Variants in AUH observed in about 807,000 individuals in gnomAD.
AUH encodes AU RNA binding methylglutaconyl-CoA hydratase.
AUH carries 29 observed loss-of-function variants against 42.3 expected under a neutral mutation model. The ratio of observed to expected loss-of-function variants is 0.69; its 90% CI spans 0.51 to 0.93. AUH has a LOEUF of 0.93. Among genes scored for constraint, AUH ranks in the 40% least tolerant of loss-of-function variants. AUH has a pLI of 0.00. For synonymous variants in AUH, 174 were observed against 166.4 expected, an observed-to-expected ratio of 1.05 and a Z score of -0.35; for missense variants, 452 against 438.1, an observed-to-expected ratio of 1.03 and a Z score of -0.28.
At chr9:91,348,931 T>C (rs565267451) in intron 3 of AUH, among the ~76,000 whole-genome samples, 1 of 152,252 alleles carries the variant, frequency 6.6e-6, no homozygotes, top group African/African-American at 2.4e-5. Context: ...CAACAAACAA[T>C]ATATGACAAC....
At chr9:91,229,085 C>G (rs1170451413) in intron 6 of AUH, among the ~76,000 whole-genome samples, 3 of 150,342 alleles carry the variant, frequency 2.0e-5, no homozygotes, top group South Asian at 4.3e-4. Flanking sequence ...TGGTGCAGAG[C>G]TGAGTTCAAT....
intron 4 of AUH, among the ~76,000 whole-genome samples, chr9:91,315,783 A>T (rs1232535189): frequency 6.6e-6 from 1 of 152,088 alleles, no homozygotes; most frequent in Non-Finnish European, 1.5e-5. Context: ...CAGAACTAAC[A>T]CCTGTCTGCC....
At chr9:91,288,017 C>T (rs1826552361) in intron 6 of AUH, among the ~76,000 whole-genome samples, 1 of 151,886 alleles carries the variant, frequency 6.6e-6, no homozygotes, top group South Asian at 2.1e-4. Context: ...TACTGCTATT[C>T]AAACTTCCTA....
In AUH at chr9:91,356,125, T is replaced by C. The variant is rs747206423; in HGVS notation, c.293A>G (p.Tyr98Cys). The change falls in exon 2 of 10, where the codon TAT becomes TGT. Residue 98 changes from tyrosine to cysteine, a missense_variant. Tyr to Cys is a radical substitution (Grantham distance 194, BLOSUM62 -2). Transcript: ENST00000375731. ...ATTTTTACTGAGTGAATTTTTGCCA[T>C]AAGCTCTGTTTATTCCAAGCACCAC... ...GIVVLGINRA[Y>C]GKNSLSKNLI... 5.6e-6 allele frequency: 9 copies of C among 1,613,770 alleles called. No homozygotes were observed. The South Asian group carries it at 8.8e-5, about 16-fold the overall frequency.
At chr9:91,280,038 G>A (rs775353205) in intron 6 of AUH, among the ~76,000 whole-genome samples, 1 of 152,174 alleles carries the variant, frequency 6.6e-6, no homozygotes, top group Non-Finnish European at 1.5e-5. Context: ...CTGATGGTAA[G>A]TCCAAACAAT....
At chr9:91,239,470 T>C (rs1022937128) in intron 6 of AUH, among the ~76,000 whole-genome samples, 4 of 152,196 alleles carry the variant, frequency 2.6e-5, no homozygotes, top group African/African-American at 9.6e-5. Flanking sequence ...CTGATTCCTG[T>C]GGGACTCTGT....
At chr9:91,256,510 G>A (rs1829411327) in intron 6 of AUH, among the ~76,000 whole-genome samples, 1 of 152,078 alleles carries the variant, frequency 6.6e-6, no homozygotes, top group Non-Finnish European at 1.5e-5. Context: ...CGGACACGGA[G>A]AAGGGAGAGG....
intron 3 of AUH, among the ~76,000 whole-genome samples, chr9:91,339,913 G>C (rs764476401): frequency 6.6e-6 from 1 of 152,212 alleles, no homozygotes; most frequent in Non-Finnish European, 1.5e-5. Context: ...TGCTGATCGA[G>C]ATCAGCGTGC....
chr9:91,230,196 A>G (rs534641620), intron 6 of AUH, among the ~76,000 whole-genome samples: 49 of 151,988 alleles, frequency 3.2e-4, no homozygotes, highest in African/African-American at 1.1e-3. Context: ...AGGTACACCA[A>G]TCAGACGTAG....
chr9:91,340,897 A>G (rs1172467022), intron 3 of AUH, among the ~76,000 whole-genome samples: 1 of 152,202 alleles, frequency 6.6e-6, no homozygotes, highest in Non-Finnish European at 1.5e-5. Context: ...TAAAACAAAG[A>G]ATATGTGACA....
At chr9:91,243,027 T>C (rs1193362004) in intron 6 of AUH, among the ~76,000 whole-genome samples, 2 of 152,236 alleles carry the variant, frequency 1.3e-5, no homozygotes, top group Non-Finnish European at 2.9e-5. Flanking sequence ...AGGTACTATG[T>C]AATGGAATAC....
chr9:91,220,905 GCTT>G lies in AUH; in HGVS notation c.740_742del (p.Glu247del). On this transcript the variant is annotated inframe_deletion, in exon 7 of 10. Transcript: ENST00000375731. ...GTGGCTGATTAAGCCCACTGCTTTG[GCTT>G]CTTTGCCATCGAGGACTCGCGCAGA... is the stretch of plus-strand genomic sequence containing the variant. 9 of 1,614,248 alleles carry G rather than the reference GCTT, an allele frequency of 5.6e-6. No individual in the cohort carries two copies. Among genetic ancestry groups the G allele is most frequent in the Non-Finnish European group, 7.6e-6 (9 of 1,180,058 alleles).
chr9:91,358,955 T>C (rs537311690), intron 1 of AUH, among the ~76,000 whole-genome samples: 8 of 152,358 alleles, frequency 5.3e-5, no homozygotes, highest in Admixed American at 3.3e-4. Flanking sequence ...TGTCTCACTT[T>C]AATTCACAAT....
chr9:91,353,806 G>T (rs1414063027), intron 3 of AUH, among the ~76,000 whole-genome samples: 1 of 102,086 alleles, frequency 9.8e-6, no homozygotes, highest in African/African-American at 4.1e-5. Context: ...GGGTGACAGA[G>T]CAAGACTCCG....
intron 4 of AUH, among the ~76,000 whole-genome samples, chr9:91,304,535 T>C (rs1418578793): frequency 6.6e-6 from 1 of 152,190 alleles, no homozygotes; most frequent in African/African-American, 2.4e-5. Context: ...AGGCAGAAAG[T>C]ACCTTCCTTA....
At chr9:91,325,174 TAA>T in intron 4 of AUH, 142 bp downstream of exon 4, 1 of 579,582 alleles carries the variant, frequency 1.7e-6, no homozygotes, top group Non-Finnish European at 3.0e-6. Context: ...TTAAATATAT[TAA>T]GTGTCACGTT....
chr9:91,336,421 C>T (rs115330494), intron 3 of AUH, among the ~76,000 whole-genome samples: 3,810 of 152,014 alleles, frequency 0.025, 80 homozygotes, highest in East Asian at 0.066. Flanking sequence ...CTTGAGGCCA[C>T]GAGTTTGAGA....
At chr9:91,315,715 A>G (rs1041256698) in intron 4 of AUH, among the ~76,000 whole-genome samples, 2 of 152,236 alleles carry the variant, frequency 1.3e-5, no homozygotes, top group South Asian at 2.1e-4. Flanking sequence ...ATATACATGT[A>G]ATAAAGCATA....
At chr9:91,288,216 CG>C in intron 6 of AUH, among the ~76,000 whole-genome samples, 1 of 151,940 alleles carries the variant, frequency 6.6e-6, no homozygotes, top group African/African-American at 2.4e-5. Flanking sequence ...GAACAAAGAG[CG>C]GGAATTAGAA....
Sources: gnomAD v4.1 joint callset for allele counts (sites outside exome capture counted in the v4.1 genomes callset) on GRCh38, gnomAD v4.1.1 for gene constraint, MANE v1.5 for transcripts, NCBI Gene and HGNC (gene_info 2026-07-23, HGNC 2026-07-21) for gene names.